The following TRPM3 variants were observed in gnomAD, a reference collection of about 807,000 sequenced individuals.
TRPM3 encodes the protein long transient receptor potential channel 3.
Under a neutral mutation model 181.2 loss-of-function variants are expected in TRPM3, and 77 were observed. The observed-to-expected ratio is 0.42, with a 90% CI of 0.35 to 0.51. The LOEUF (loss-of-function observed/expected upper bound fraction) is 0.51, where lower values mean the gene tolerates loss of function less well. Among genes scored for constraint, TRPM3 ranks in the 20% least tolerant of loss-of-function variants. The pLI is 0.01. For missense variants in TRPM3, 1,759 were observed against 2,196.7 expected, an observed-to-expected ratio of 0.80 and a Z score of 3.98; for synonymous variants, 745 against 796.4, an observed-to-expected ratio of 0.94 and a Z score of 1.09.
intron 1 of TRPM3, among the ~76,000 whole-genome samples, chr9:71,289,487 C>T (rs2085597813): frequency 1.3e-5 from 2 of 152,010 alleles, no homozygotes; most frequent in Non-Finnish European, 2.9e-5. Flanking sequence ...CAAGGAGATA[C>T]AAAATATAAA....
chr9:71,344,612 T>A (rs2091182918), intron 1 of TRPM3, among the ~76,000 whole-genome samples: 1 of 152,170 alleles, frequency 6.6e-6, no homozygotes, highest in African/African-American at 2.4e-5. Flanking sequence ...TGGACGAACA[T>A]AAAAGCTAAG....
chr9:70,570,749 T>C (rs910218037), intron 22 of TRPM3, among the ~76,000 whole-genome samples: 2 of 152,212 alleles, frequency 1.3e-5, no homozygotes, highest in African/African-American at 4.8e-5. Flanking sequence ...CTGGAGAAAG[T>C]AGATTCAGGT....
intron 1 of TRPM3, among the ~76,000 whole-genome samples, chr9:70,881,423 A>C (rs2132696584): frequency 6.6e-6 from 1 of 152,288 alleles, no homozygotes; most frequent in Admixed American, 6.5e-5. Context: ...CTGAGATTTA[A>C]GTAACATGGA....
intron 9 of TRPM3, among the ~76,000 whole-genome samples, chr9:70,641,437 T>C (rs17460146): frequency 0.031 from 4,660 of 152,212 alleles, 114 homozygotes; most frequent in Middle Eastern, 0.068. Flanking sequence ...CTTGCCACTT[T>C]TCTGAAAAAG....
intron 1 of TRPM3, among the ~76,000 whole-genome samples, chr9:70,984,808 A>G (rs953137542): frequency 6.6e-6 from 1 of 152,202 alleles, no homozygotes; most frequent in African/African-American, 2.4e-5. Flanking sequence ...TTGACTTTCA[A>G]AATTTTAAGA....
At chr9:70,870,531 G>A (rs1046051322) in intron 1 of TRPM3, among the ~76,000 whole-genome samples, 12 of 151,988 alleles carry the variant, frequency 7.9e-5, no homozygotes, top group African/African-American at 1.9e-4. Flanking sequence ...ACACTCCCAA[G>A]CACTTATTCC....
chr9:71,195,503 T>C (rs563277488), intron 1 of TRPM3, among the ~76,000 whole-genome samples: 1 of 152,184 alleles, frequency 6.6e-6, no homozygotes, highest in African/African-American at 2.4e-5. Context: ...TTCTACACTG[T>C]TGGTGGGAGT....
In TRPM3 at chr9:70,976,409, C is replaced by T. The variant is rs62543213; in HGVS notation, c.178-111898G>A. 9.9e-3 allele frequency among the ~76,000 whole-genome samples: 1,510 copies of T among 152,310 alleles called. 12 individuals are homozygous for T. Among genetic ancestry groups the T allele is most frequent in the Middle Eastern group, 0.017 (5 of 294 alleles). On this transcript the variant is annotated intron_variant, in intron 1 of 25. Coordinates refer to ENST00000677713, the MANE Select transcript of TRPM3 (RefSeq NM_001366145.2). ...TGAGTGTTCCCTGGACACCAGGCTA[C>T]TAGGCAGAATGTCCAAAGCATATGC...
intron 18 of TRPM3, among the ~76,000 whole-genome samples, chr9:70,612,040 T>A (rs549909475): frequency 6.6e-6 from 1 of 152,146 alleles, no homozygotes; most frequent in Non-Finnish European, 1.5e-5. Context: ...ATGAGGGTAA[T>A]AAAGTACTCA....
intron 7 of TRPM3, among the ~76,000 whole-genome samples, chr9:70,763,117 A>G (rs2078449173): frequency 6.6e-6 from 1 of 152,152 alleles, no homozygotes. Context: ...ATTCCTCATG[A>G]CAGGACTATA....
chr9:71,370,152 C>G (rs893559973), intron 1 of TRPM3, among the ~76,000 whole-genome samples: 2 of 152,300 alleles, frequency 1.3e-5, no homozygotes, highest in South Asian at 2.1e-4. Context: ...CTTTCCCTCT[C>G]CGTGGGCCTG....
chr9:70,812,309 G>A (rs971682764), intron 6 of TRPM3, among the ~76,000 whole-genome samples: 1 of 152,148 alleles, frequency 6.6e-6, no homozygotes, highest in African/African-American at 2.4e-5. Context: ...AGGCATGTAG[G>A]AACTCACCCA....
Position 70,843,045 on chromosome 9 carries a change from G to C in TRPM3, c.759C>G (p.Pro253=). 2 of 1,613,552 alleles carry C rather than the reference G, an allele frequency of 1.2e-6. No homozygotes were observed. The highest frequency in any genetic ancestry group is 2.2e-5 in the South Asian group (2 of 91,016). ...CCTCCTGGTTTTCCACAATTCCCCA[G>C]GGGGCAATACCTATGGTGCATATCT... ...RGKICTIGIA[P]WGIVENQEDL... Residue 253 remains proline, a synonymous_variant, in exon 5 of 26, where the codon CCC becomes CCG. Coordinates refer to ENST00000677713, the MANE Select transcript of TRPM3 (RefSeq NM_001366145.2).
intron 1 of TRPM3, among the ~76,000 whole-genome samples, chr9:71,061,927 A>C (rs2061379390): frequency 6.6e-6 from 1 of 152,000 alleles, no homozygotes; most frequent in Admixed American, 6.6e-5. Context: ...GACCCCTGAC[A>C]TAGATCCTGT....
At chr9:70,781,723 T>C (rs1028068334) in intron 7 of TRPM3, among the ~76,000 whole-genome samples, 2 of 152,064 alleles carry the variant, frequency 1.3e-5, no homozygotes, top group African/African-American at 4.8e-5. Context: ...ATTTAAATAA[T>C]CTTAATTTAA....
intron 22 of TRPM3, among the ~76,000 whole-genome samples, chr9:70,580,781 C>T (rs117367555): frequency 0.06 from 9,061 of 152,254 alleles, 308 homozygotes; most frequent in African/African-American, 0.08. Flanking sequence ...GCATCTGGCC[C>T]GCCCTCCCTT....
Position 71,420,486 on chromosome 9 carries a change from G to A in TRPM3, c.183+26167C>T, listed in dbSNP as rs534183050. Among the ~76,000 whole-genome samples the A allele has an allele frequency of 2.0e-4, 30 of 149,950 alleles. No individual in the cohort carries two copies. In the East Asian group the frequency reaches 5.7e-3, roughly 29 times the overall value. Reference sequence around the variant, plus strand: ...CGAAGGCAAGGAGAAACAGATACCAGAAGAAGCTTTCTCGCAGCAACAAAG... The same window carrying A: ...CGAAGGCAAGGAGAAACAGATACCAAAAGAAGCTTTCTCGCAGCAACAAAG... On this transcript the variant is annotated intron_variant, in intron 1 of 24. Coordinates refer to the TRPM3 transcript ENST00000357533.
rs551855992 is a variant in TRPM3 at position 70,678,493 on chromosome 9, A to G, written c.1345+3013T>C. ...TGTATAATATAAATAGTATCCTCTA[A>G]TACAGAATATGCAGATCCCAAGGAA... On this transcript the variant is annotated intron_variant, in intron 9 of 25. Coordinates refer to ENST00000677713, the MANE Select transcript of TRPM3 (RefSeq NM_001366145.2). 6.2e-4 allele frequency among the ~76,000 whole-genome samples: 95 copies of G among 152,280 alleles called. 3 individuals carry two copies. Among genetic ancestry groups the G allele is most frequent in the African/African-American group, 2.2e-3 (90 of 41,544 alleles).
At chr9:71,408,006 G>A (rs967234548) in intron 1 of TRPM3, among the ~76,000 whole-genome samples, 3 of 152,172 alleles carry the variant, frequency 2.0e-5, no homozygotes, top group Admixed American at 1.3e-4. Context: ...TGCAGATAAT[G>A]GTCCTGACTG....
Sources: gnomAD v4.1 joint callset for allele counts (sites outside exome capture counted in the v4.1 genomes callset) on GRCh38, gnomAD v4.1.1 for gene constraint, MANE v1.5 for transcripts, NCBI Gene and HGNC (gene_info 2026-07-23, HGNC 2026-07-21) for gene names.